Variants in SMIM35 observed in about 807,000 individuals in gnomAD.
SMIM35 encodes the protein small integral membrane protein 35.
intron 1 of SMIM35, among the ~76,000 whole-genome samples, chr11:118,027,380 C>G (rs1320824734): frequency 6.6e-6 from 1 of 151,972 alleles, no homozygotes; most frequent in Non-Finnish European, 1.5e-5. Flanking sequence ...TTATTATTGC[C>G]CATCATTTTG....
intron 1 of SMIM35, among the ~76,000 whole-genome samples, chr11:118,083,226 C>G (rs1945290993): frequency 6.6e-6 from 1 of 152,260 alleles, no homozygotes. Flanking sequence ...GGAGAAAAGA[C>G]TTTCTGTAAC....
At chr11:118,045,278 C>A (rs887619807) in intron 1 of SMIM35, among the ~76,000 whole-genome samples, 2 of 151,072 alleles carry the variant, frequency 1.3e-5, no homozygotes, top group Non-Finnish European at 2.9e-5. Flanking sequence ...AAGATCAGTT[C>A]AAGTTGCAGA....
intron 1 of SMIM35, among the ~76,000 whole-genome samples, chr11:118,057,988 C>G (rs1944341224): frequency 6.6e-6 from 1 of 152,162 alleles, no homozygotes; most frequent in East Asian, 1.9e-4. Context: ...TTCATCCAAG[C>G]CTATAATTTG....
chr11:118,060,708 G>T (rs1457596642), intron 1 of SMIM35, among the ~76,000 whole-genome samples: 1 of 152,088 alleles, frequency 6.6e-6, no homozygotes, highest in East Asian at 1.9e-4. Flanking sequence ...TGTCCCTCTG[G>T]CTGTTCCCCT....
chr11:118,063,989 C>G (rs655116), intron 1 of SMIM35, among the ~76,000 whole-genome samples: 125,893 of 152,208 alleles, frequency 0.83, 52,292 homozygotes, highest in East Asian at 0.93. Context: ...GAACAATTGG[C>G]TAGAAGGTCC....
intron 1 of SMIM35, among the ~76,000 whole-genome samples, chr11:118,063,766 G>T (rs1308301650): frequency 6.6e-6 from 1 of 152,234 alleles, no homozygotes. Flanking sequence ...GCCTAAAAAA[G>T]GACAGGTAGC....
At chr11:118,056,710 A>G (rs1214083118) in intron 1 of SMIM35, among the ~76,000 whole-genome samples, 1 of 152,190 alleles carries the variant, frequency 6.6e-6, no homozygotes, top group East Asian at 1.9e-4. Context: ...ACCAACATAC[A>G]AAGTGGAGAT....
rs146314665 is a variant in SMIM35 at position 118,012,717 on chromosome 11, T to C, written c.*33+1031A>G. ...GGGGCAGGGGGAGGGTTGAAAGTGC[T>C]GGAATCAAGTACAGAGGGGGCAGGG... On this transcript the variant is annotated intron_variant, in intron 4 of 4. Transcript: ENST00000689828. 3.9e-3 allele frequency among the ~76,000 whole-genome samples: 591 copies of C among 152,264 alleles called. 3 individuals are homozygous for C. Among genetic ancestry groups the C allele is most frequent in the Middle Eastern group, 6.8e-3 (2 of 294 alleles).
chr11:118,079,647 C>T (rs538362796), intron 1 of SMIM35, among the ~76,000 whole-genome samples: 65 of 152,348 alleles, frequency 4.3e-4, no homozygotes, highest in Non-Finnish European at 4.1e-4. Context: ...AACCCCCTGA[C>T]GCTTCCGGCT....
At chr11:118,019,330 G>A (rs1354598195) in intron 1 of SMIM35, among the ~76,000 whole-genome samples, 1 of 152,166 alleles carries the variant, frequency 6.6e-6, no homozygotes, top group African/African-American at 2.4e-5. Context: ...GTAAAATGAA[G>A]AGCTCTCTAG....
chr11:118,035,881 GTGTT>G (rs1555072795), intron 1 of SMIM35, among the ~76,000 whole-genome samples: 6 of 152,062 alleles, frequency 3.9e-5, no homozygotes, highest in East Asian at 3.9e-4. Context: ...CTAATATGTG[GTGTT>G]TGTTTGTTTG....
chr11:118,065,315 A>G (rs1282833119), intron 1 of SMIM35, among the ~76,000 whole-genome samples: 1 of 152,220 alleles, frequency 6.6e-6, no homozygotes, highest in Non-Finnish European at 1.5e-5. Context: ...GATGGCTCAC[A>G]GGAGGAGGAA....
At chr11:118,085,982 G>T (rs569421338) in intron 1 of SMIM35, among the ~76,000 whole-genome samples, 1 of 152,340 alleles carries the variant, frequency 6.6e-6, no homozygotes, top group South Asian at 2.1e-4. Flanking sequence ...ATCGCAGAGG[G>T]ATTCCTAAGC....
intron 1 of SMIM35, among the ~76,000 whole-genome samples, chr11:118,061,189 C>G (rs556660865): frequency 6.6e-6 from 1 of 152,356 alleles, no homozygotes; most frequent in East Asian, 1.9e-4. Flanking sequence ...AAGGCGCAAG[C>G]CCAGCATCAT....
rs142249436 is a variant in SMIM35, at chr11:118,058,143, C to T, written c.7+28608G>A. Among the ~76,000 whole-genome samples the T allele has an allele frequency of 3.9e-3, 587 of 152,276 alleles. 2 individuals are homozygous for T. Among genetic ancestry groups the T allele is most frequent in the African/African-American group, 0.012 (506 of 41,554 alleles). ...TTTTGTAATTGTTTTAAAAATTTGT[C>T]TCAGGTCCCCGTGGCCTGGGGGCTG... On this transcript the variant is annotated intron_variant, in intron 1 of 4. Coordinates refer to ENST00000689828, the MANE Select transcript of SMIM35 (RefSeq NM_001394165.1).
intron 1 of SMIM35, chr11:118,025,694 C>A: frequency 2.2e-6 from 1 of 452,344 alleles, no homozygotes; most frequent in Non-Finnish European, 4.4e-6. Context: ...AGATATTAGA[C>A]CCTTGTTGGA....
In SMIM35 at chr11:118,061,376, C is replaced by T. The variant is rs79138641; in HGVS notation, c.7+25375G>A. 6.9e-3 allele frequency among the ~76,000 whole-genome samples: 1,057 copies of T among 152,360 alleles called. 9 individuals carry two copies. The highest frequency in any genetic ancestry group is 0.022 in the African/African-American group (934 of 41,578). On this transcript the variant is annotated intron_variant, in intron 1 of 4. Transcript: ENST00000689828. ...TGATCGATTCACAGAAGGCATTTAG[C>T]AAGTTCTCCCTCAATAAGTGGCATT...
At chr11:118,015,399 T>G (rs1222742808) in intron 2 of SMIM35, among the ~76,000 whole-genome samples, 1 of 152,076 alleles carries the variant, frequency 6.6e-6, no homozygotes, top group African/African-American at 2.4e-5. Context: ...ATCTTGGCCT[T>G]GGGGGCCCAC....
At chr11:118,061,744 C>T (rs1944398615) in intron 1 of SMIM35, among the ~76,000 whole-genome samples, 1 of 152,144 alleles carries the variant, frequency 6.6e-6, no homozygotes, top group Admixed American at 6.5e-5. Context: ...TCCTCTGCAC[C>T]CAGGACCGCT....
Sources: allele counts gnomAD v4.1 joint callset (sites outside exome capture counted in the v4.1 genomes callset), GRCh38; gene constraint gnomAD v4.1.1; transcripts MANE v1.5; gene names NCBI Gene and HGNC (gene_info 2026-07-23, HGNC 2026-07-21).